CD109: variants seen among roughly 807,000 people sequenced by gnomAD.
The protein encoded by CD109 is CD109 antigen.
CD109 carries 149 observed loss-of-function variants against 165.8 expected under a neutral mutation model. The observed-to-expected ratio is 0.90, with a 90% CI of 0.79 to 1.03. The LOEUF (loss-of-function observed/expected upper bound fraction) is 1.03. CD109 is among the 50% of genes least tolerant of loss of function. The probability of loss-of-function intolerance (pLI) is 0.00; values close to 1 mark genes in which losing one functional copy is unlikely to be tolerated. For synonymous variants in CD109, 585 were observed against 592.1 expected, an observed-to-expected ratio of 0.99 and a Z score of 0.18; for missense variants, 1,712 against 1,677.8, an observed-to-expected ratio of 1.02 and a Z score of -0.36.
chr6:73,800,285 T>G (rs931271746), intron 23 of CD109, among the ~76,000 whole-genome samples: 2 of 152,216 alleles, frequency 1.3e-5, no homozygotes, highest in African/African-American at 4.8e-5. Context: ...TTCCTCATTC[T>G]TTTTTTCACA....
At chr6:73,761,946 T>C (rs887546359) in intron 7 of CD109, among the ~76,000 whole-genome samples, 2 of 151,848 alleles carry the variant, frequency 1.3e-5, no homozygotes, top group African/African-American at 4.9e-5. Context: ...CATCCCATAA[T>C]GTATTTTTTT....
intron 7 of CD109, among the ~76,000 whole-genome samples, chr6:73,761,677 C>A (rs745689631): frequency 6.6e-6 from 1 of 151,870 alleles, no homozygotes; most frequent in Non-Finnish European, 1.5e-5. Context: ...CCCACCACCA[C>A]GCCTGGCTAA....
chr6:73,791,176 TAC>T (rs3081481), intron 22 of CD109, among the ~76,000 whole-genome samples: 775 of 24,004 alleles, frequency 0.032, 12 homozygotes, highest in East Asian at 0.064. Flanking sequence ...TATATATATA[TAC>T]ACACACACAC....
intron 1 of CD109, among the ~76,000 whole-genome samples, chr6:73,696,610 A>G (rs1273362277): frequency 6.6e-6 from 1 of 152,154 alleles, no homozygotes; most frequent in Non-Finnish European, 1.5e-5. Flanking sequence ...TTGCTCCCAG[A>G]TTGCGATTCT....
At chr6:73,798,680 T>A (rs930540384) in intron 23 of CD109, among the ~76,000 whole-genome samples, 1 of 152,160 alleles carries the variant, frequency 6.6e-6, no homozygotes, top group Non-Finnish European at 1.5e-5. Flanking sequence ...TGTGGCCTCT[T>A]CTCTGGGCTG....
intron 15 of CD109, among the ~76,000 whole-genome samples, chr6:73,775,458 A>G (rs1043665856): frequency 6.6e-6 from 1 of 152,076 alleles, no homozygotes; most frequent in Admixed American, 6.5e-5. Flanking sequence ...CTTGACCTCT[A>G]TATTCCCATT....
chr6:73,825,804 C>A lies in CD109; in HGVS notation c.*2171C>A, dbSNP rs986748248. The A allele has an allele frequency of 2.6e-5, 4 of 151,992 alleles. No homozygotes were observed. Among genetic ancestry groups the A allele is most frequent in the African/African-American group, 9.7e-5 (4 of 41,364 alleles). 9.4% of individuals were successfully genotyped at this position (151,992 alleles called of 1,614,324 possible). On this transcript the variant is annotated 3_prime_UTR_variant, in exon 33 of 33. Transcript: ENST00000287097. Reference sequence around the variant, plus strand: ...ACCAGCCTGGCCAATATGGTGAAACCCCGTCCCTACTAAAAATACAAAATT... The same window carrying A: ...ACCAGCCTGGCCAATATGGTGAAACACCGTCCCTACTAAAAATACAAAATT...
chr6:73,780,582 G>A (rs1017454509), intron 16 of CD109, 84 bp downstream of exon 16: 8 of 873,296 alleles, frequency 9.2e-6, no homozygotes, highest in Non-Finnish European at 1.5e-5. Context: ...ATTTTGAGAT[G>A]TTAACCTTTT....
intron 10 of CD109, among the ~76,000 whole-genome samples, chr6:73,765,159 CAAG>C (rs1044939874): frequency 9.2e-5 from 14 of 151,626 alleles, no homozygotes; most frequent in African/African-American, 3.4e-4. Flanking sequence ...AGAAGTGAGA[CAAG>C]AAGGAGAGGT....
At chr6:73,809,188 A>G (rs1395105202) in intron 26 of CD109, among the ~76,000 whole-genome samples, 1 of 152,122 alleles carries the variant, frequency 6.6e-6, no homozygotes, top group African/African-American at 2.4e-5. Flanking sequence ...GGACTAGAGC[A>G]GAATTATCTC....
chr6:73,733,420 G>A (rs1415935759), intron 4 of CD109, among the ~76,000 whole-genome samples: 1 of 152,216 alleles, frequency 6.6e-6, no homozygotes, highest in Non-Finnish European at 1.5e-5. Context: ...ATCTTTGGGT[G>A]TTATTCATTT....
At chr6:73,742,969 T>C (rs76435524) in intron 5 of CD109, among the ~76,000 whole-genome samples, 53 of 152,348 alleles carry the variant, frequency 3.5e-4, no homozygotes, top group African/African-American at 1.2e-3. Flanking sequence ...TAGGCATCTT[T>C]AGAATCCATC....
rs954707312 is a variant in CD109 at position 73,736,412 on chromosome 6, G to A, written c.537G>A (p.Trp179Ter). 6.2e-7 allele frequency: 1 copy of A among 1,613,648 alleles called. No individual in the cohort carries two copies. Among genetic ancestry groups the A allele is most frequent in the Non-Finnish European group, 8.5e-7 (1 of 1,179,818 alleles). Residue 179 changes from tryptophan (W) to a stop codon, truncating the protein, a stop_gained, in exon 5 of 33, where the codon TGG becomes TGA. Coordinates refer to ENST00000287097, the MANE Select transcript of CD109 (RefSeq NM_133493.5). LOFTEE classifies it high-confidence loss of function. ...CCAAATCAAATTTGATCCAACAGTG[G>A]TTGTCACAACAAAGTGATCTTGGAG... The part of the protein sequence containing the change: ...KDPKSNLIQQ[W>*]LSQQSDLGVI...
intron 30 of CD109, among the ~76,000 whole-genome samples, chr6:73,816,652 A>G (rs1486213584): frequency 2.0e-5 from 3 of 152,284 alleles, no homozygotes; most frequent in Admixed American, 6.5e-5. Flanking sequence ...GTGGGAATAT[A>G]ATTGTAAGCC....
chr6:73,688,364 C>T, the CD109 span, among the ~76,000 whole-genome samples: 2 of 152,120 alleles, frequency 1.3e-5, no homozygotes, highest in Non-Finnish European at 2.9e-5. Flanking sequence ...TTGGTTTCTG[C>T]TCTGGTTCTT....
chr6:73,779,124 C>A (rs1774373500), intron 15 of CD109, among the ~76,000 whole-genome samples: 2 of 152,058 alleles, frequency 1.3e-5, no homozygotes, highest in South Asian at 4.1e-4. Flanking sequence ...CTACTTCTGT[C>A]TTTATGAATT....
At chr6:73,754,703 C>CAT (rs1382464580) in intron 5 of CD109, among the ~76,000 whole-genome samples, 3 of 152,140 alleles carry the variant, frequency 2.0e-5, no homozygotes, top group Non-Finnish European at 4.4e-5. Context: ...AACAGGTTGG[C>CAT]ACCCTAAGGG....
intron 23 of CD109, among the ~76,000 whole-genome samples, chr6:73,798,648 C>T (rs572598280): frequency 3.9e-5 from 6 of 152,160 alleles, no homozygotes; most frequent in South Asian, 2.1e-4. Context: ...TCAAGAAATT[C>T]ACTGCAAAAC....
intron 27 of CD109, 52 bp from the exon 28 acceptor site, chr6:73,810,940 T>C: frequency 6.5e-7 from 1 of 1,531,764 alleles, no homozygotes; most frequent in East Asian, 2.3e-5. Flanking sequence ...ATTTACTCTT[T>C]GAAGACCTTG....
Sources: gnomAD v4.1 joint callset for allele counts (sites outside exome capture counted in the v4.1 genomes callset) on GRCh38, gnomAD v4.1.1 for gene constraint, MANE v1.5 for transcripts, NCBI Gene and HGNC (gene_info 2026-07-23, HGNC 2026-07-21) for gene names.